Variants in SUCLG2 observed in about 807,000 individuals in gnomAD.
SUCLG2 encodes succinate-CoA ligase GDP-forming subunit beta, also known as succinate--CoA ligase [GDP-forming] subunit beta, mitochondrial.
In SUCLG2, 42 loss-of-function variants were observed where a neutral mutation model predicts 47.9. The observed-to-expected ratio is 0.88, with a 90% CI of 0.69 to 1.14. The LOEUF (loss-of-function observed/expected upper bound fraction) is 1.14. Ranked by LOEUF, SUCLG2 falls within the 50% of genes most tolerant of loss-of-function variation. SUCLG2 has a pLI of 0.00. For missense variants in SUCLG2, 571 were observed against 525.9 expected (o/e 1.09, Z -0.84); for synonymous variants, 195 against 197.3 (o/e 0.99, Z 0.10).
intron 10 of SUCLG2, among the ~76,000 whole-genome samples, chr3:67,395,866 C>A (rs1702512964): frequency 6.6e-6 from 1 of 152,168 alleles, no homozygotes; most frequent in Non-Finnish European, 1.5e-5. Flanking sequence ...GATTAAGAAA[C>A]TCACTCAAAA....
At chr3:67,637,301 T>G (rs1374653032) in intron 1 of SUCLG2, among the ~76,000 whole-genome samples, 11 of 152,196 alleles carry the variant, frequency 7.2e-5, no homozygotes, top group Non-Finnish European at 1.6e-4. Context: ...CTAATTAGAT[T>G]CAGGAATATG....
At chr3:67,426,834 G>A (rs1168678921) in intron 9 of SUCLG2, among the ~76,000 whole-genome samples, 1 of 152,092 alleles carries the variant, frequency 6.6e-6, no homozygotes, top group African/African-American at 2.4e-5. Context: ...AGGCTGAGGA[G>A]GGGAATCACT....
At chr3:67,528,654 G>A (rs1230130996) in intron 3 of SUCLG2, among the ~76,000 whole-genome samples, 1 of 152,168 alleles carries the variant, frequency 6.6e-6, no homozygotes, top group East Asian at 1.9e-4. Context: ...AAAGTGTTCA[G>A]TGCTAGGAGA....
intron 2 of SUCLG2, among the ~76,000 whole-genome samples, chr3:67,604,070 T>C (rs1708476797): frequency 6.6e-6 from 1 of 152,152 alleles, no homozygotes; most frequent in African/African-American, 2.4e-5. Flanking sequence ...TCAAACAAAT[T>C]TGCTCTCTCA....
At position 67,375,472 on chromosome 3, in the gene SUCLG2, T is replaced by A. The variant is rs1298144605; in HGVS notation, c.*272A>T. On this transcript the variant is annotated 3_prime_UTR_variant, in exon 11 of 11. Coordinates refer to ENST00000307227, the MANE Select transcript of SUCLG2 (RefSeq NM_003848.4). ...CACAATATTTGGCCACATAGACCAC[T>A]CCCCAAAGTCTGCAAAACACTGCCT... The A allele has an allele frequency of 9.7e-6, 11 of 1,135,574 alleles. No homozygotes were observed. The highest frequency in any genetic ancestry group is 1.2e-5 in the Non-Finnish European group (11 of 924,992). 70.3% of individuals were successfully genotyped at this position (1,135,574 alleles called of 1,614,324 possible).
chr3:67,417,512 C>T (rs932608580), intron 9 of SUCLG2, among the ~76,000 whole-genome samples: 8 of 152,166 alleles, frequency 5.3e-5, no homozygotes, highest in Non-Finnish European at 7.3e-5. Context: ...AATAATGGTG[C>T]GACACGATGC....
chr3:67,654,490 C>A lies in SUCLG2; in HGVS notation c.84+13G>T, dbSNP rs751876518. The A allele has an allele frequency of 6.1e-4, 748 of 1,234,726 alleles. No individual in the cohort carries two copies. The highest frequency in any genetic ancestry group is 7.2e-4 in the Non-Finnish European group (709 of 988,528). 76.5% of individuals were successfully genotyped at this position (1,234,726 alleles called of 1,614,324 possible). On this transcript the variant is annotated intron_variant, in intron 1 of 10. Transcript: ENST00000307227. ...CCGCTGCTGGCGCCCGCAGCTCCTGCCCCCACGCTCACCTGGGACCCGGCC... is the reference window on the plus strand; with the variant it reads ...CCGCTGCTGGCGCCCGCAGCTCCTGACCCCACGCTCACCTGGGACCCGGCC...
At chr3:67,586,990 CAATT>C (rs898408219) in intron 2 of SUCLG2, among the ~76,000 whole-genome samples, 10 of 152,142 alleles carry the variant, frequency 6.6e-5, no homozygotes, top group African/African-American at 2.4e-4. Context: ...TTATAGATAA[CAATT>C]AAAACTGTTA....
intron 2 of SUCLG2, among the ~76,000 whole-genome samples, chr3:67,593,183 G>A (rs2107281862): frequency 6.6e-6 from 1 of 152,180 alleles, no homozygotes; most frequent in East Asian, 1.9e-4. Flanking sequence ...TGCAAATAGT[G>A]GCTTGTTATT....
intron 9 of SUCLG2, among the ~76,000 whole-genome samples, chr3:67,420,475 GA>G (rs1458669638): frequency 2.0e-5 from 3 of 152,314 alleles, no homozygotes; most frequent in Non-Finnish European, 4.4e-5. Context: ...AAAGTAGTAG[GA>G]TGAGTATTAT....
intron 10 of SUCLG2, among the ~76,000 whole-genome samples, chr3:67,399,848 G>A (rs968184388): frequency 1.3e-5 from 2 of 152,216 alleles, no homozygotes; most frequent in Admixed American, 6.5e-5. Context: ...TTTTAGTGTA[G>A]TACCAAAGAA....
chr3:67,584,435 T>A (rs544408374), intron 2 of SUCLG2, among the ~76,000 whole-genome samples: 5 of 152,304 alleles, frequency 3.3e-5, no homozygotes, highest in Admixed American at 3.3e-4. Flanking sequence ...GAGGATGAAA[T>A]GTTTTAAAAC....
chr3:67,465,628 A>G (rs1704450780), intron 9 of SUCLG2, among the ~76,000 whole-genome samples: 1 of 152,208 alleles, frequency 6.6e-6, no homozygotes, highest in Non-Finnish European at 1.5e-5. Context: ...GAGTAGGGGC[A>G]TCCAATCTTC....
At chr3:67,514,112 G>T in intron 6 of SUCLG2, 1 of 312,726 alleles carries the variant, frequency 3.2e-6, no homozygotes, top group South Asian at 2.9e-5. Flanking sequence ...AACTGCTGAC[G>T]GCTCATTGAA....
intron 9 of SUCLG2, among the ~76,000 whole-genome samples, chr3:67,457,043 T>A (rs1490258108): frequency 2.0e-5 from 3 of 152,238 alleles, no homozygotes; most frequent in African/African-American, 7.2e-5. Flanking sequence ...CAAGTCATCA[T>A]ATAATAACAT....
intron 9 of SUCLG2, among the ~76,000 whole-genome samples, chr3:67,455,283 T>TG (rs1391988177): frequency 2.0e-5 from 3 of 152,230 alleles, no homozygotes; most frequent in East Asian, 3.9e-4. Context: ...TAGATGCCTC[T>TG]GGCCCATCCT....
At chr3:67,399,595 A>G (rs769298122) in intron 10 of SUCLG2, among the ~76,000 whole-genome samples, 15 of 152,092 alleles carry the variant, frequency 9.9e-5, no homozygotes, top group Non-Finnish European at 2.2e-4. Flanking sequence ...TTCTAATATG[A>G]TGGTGGTAAT....
intron 9 of SUCLG2, among the ~76,000 whole-genome samples, chr3:67,423,922 A>T (rs1463031438): frequency 6.6e-6 from 1 of 152,184 alleles, no homozygotes. Context: ...ACTGACACTG[A>T]TACTAACTAT....
At chr3:67,556,848 G>A (rs775525506) in intron 2 of SUCLG2, among the ~76,000 whole-genome samples, 12 of 152,160 alleles carry the variant, frequency 7.9e-5, no homozygotes, top group Non-Finnish European at 1.6e-4. Flanking sequence ...AGAGCTGTTG[G>A]ACACAATTCT....
Sources: allele counts gnomAD v4.1 joint callset (sites outside exome capture counted in the v4.1 genomes callset), GRCh38; gene constraint gnomAD v4.1.1; transcripts MANE v1.5; gene names NCBI Gene and HGNC (gene_info 2026-07-23, HGNC 2026-07-21).